The following ODAD2 variants were observed in gnomAD, a reference collection of about 807,000 sequenced individuals.
ODAD2 encodes the protein outer dynein arm-docking complex subunit 2.
A neutral mutation model predicts 106.8 loss-of-function variants in ODAD2; 89 were observed. The ratio of observed to expected loss-of-function variants is 0.83; its 90% CI spans 0.70 to 0.99. The LOEUF is 0.99. Among genes scored for constraint, ODAD2 ranks in the 50% least tolerant of loss-of-function variants. The probability of loss-of-function intolerance (pLI) is 0.00; values close to 1 mark genes in which losing one functional copy is unlikely to be tolerated. For missense variants in ODAD2, 1,168 were observed against 1,238.5 expected (o/e 0.94, Z 0.85); for synonymous variants, 404 against 436.2 (o/e 0.93, Z 0.92).
chr10:27,886,438 A>C (rs1459472306), intron 17 of ODAD2, among the ~76,000 whole-genome samples: 1 of 152,096 alleles, frequency 6.6e-6, no homozygotes, highest in African/African-American at 2.4e-5. Context: ...TCAAGAATGA[A>C]GAAAAAATTA....
At chr10:27,993,676 T>TGAC (rs1372460538) in intron 2 of ODAD2, among the ~76,000 whole-genome samples, 2 of 151,958 alleles carry the variant, frequency 1.3e-5, no homozygotes, top group African/African-American at 4.8e-5. Context: ...TAAATAAATA[T>TGAC]GACTTCAAAC....
At chr10:27,832,713 C>T (rs1837579367) in intron 19 of ODAD2, among the ~76,000 whole-genome samples, 2 of 152,140 alleles carry the variant, frequency 1.3e-5, no homozygotes, top group South Asian at 4.1e-4. Context: ...AACGTTATTG[C>T]TCAACACATA....
intron 9 of ODAD2, among the ~76,000 whole-genome samples, chr10:27,963,625 C>A (rs1432041084): frequency 5.3e-5 from 8 of 152,080 alleles, no homozygotes; most frequent in Non-Finnish European, 1.5e-5. Context: ...TTGCTAAGGC[C>A]TTATATGAAC....
chr10:27,906,880 G>A (rs746652922), intron 17 of ODAD2, among the ~76,000 whole-genome samples: 5 of 152,128 alleles, frequency 3.3e-5, no homozygotes, highest in Admixed American at 6.5e-5. Context: ...CGGGACTAGG[G>A]GAGGAATAGC....
chr10:27,814,976 A>G (rs1167551655), intron 19 of ODAD2, among the ~76,000 whole-genome samples: 1 of 152,124 alleles, frequency 6.6e-6, no homozygotes, highest in East Asian at 1.9e-4. Context: ...TCCCTTTCCA[A>G]TGCCTATTTT....
chr10:27,987,911 G>A (rs1417700559), intron 2 of ODAD2, among the ~76,000 whole-genome samples: 3 of 150,674 alleles, frequency 2.0e-5, no homozygotes, highest in African/African-American at 7.3e-5. Flanking sequence ...TCATGCTTTG[G>A]GGAGTTCTAA....
chr10:27,979,569 C>T (rs1384723479), intron 7 of ODAD2, among the ~76,000 whole-genome samples: 2 of 151,866 alleles, frequency 1.3e-5, no homozygotes, highest in Non-Finnish European at 2.9e-5. Flanking sequence ...TATTTCTATA[C>T]ACTAGCAGTG....
intron 10 of ODAD2, 71 bp downstream of exon 10, chr10:27,961,497 A>G: frequency 7.2e-7 from 1 of 1,380,604 alleles, no homozygotes; most frequent in Non-Finnish European, 1.0e-6. Flanking sequence ...TAAACTTGGA[A>G]GCAGCATATA....
chr10:27,863,075 C>G (rs1041673137), intron 17 of ODAD2, among the ~76,000 whole-genome samples: 13 of 152,208 alleles, frequency 8.5e-5, no homozygotes, highest in African/African-American at 1.4e-4. Context: ...TTGATGGATA[C>G]ATAACCTTGT....
At chr10:27,890,168 A>G (rs1238285538) in intron 17 of ODAD2, among the ~76,000 whole-genome samples, 7 of 152,208 alleles carry the variant, frequency 4.6e-5, no homozygotes, top group African/African-American at 2.4e-5. Context: ...AGTGAGGTCA[A>G]TGGGCAGGGA....
chr10:27,901,419 A>C (rs746578210), intron 17 of ODAD2, among the ~76,000 whole-genome samples: 4 of 152,208 alleles, frequency 2.6e-5, no homozygotes, highest in Non-Finnish European at 2.9e-5. Flanking sequence ...TGGGCAAAAT[A>C]ACCAGCTAGC....
At chr10:27,937,936 A>G (rs1224345999) in intron 14 of ODAD2, among the ~76,000 whole-genome samples, 2 of 151,852 alleles carry the variant, frequency 1.3e-5, no homozygotes, top group East Asian at 3.9e-4. Context: ...AAATTCATAT[A>G]TAGAGGTTTT....
intron 10 of ODAD2, among the ~76,000 whole-genome samples, chr10:27,952,183 A>C (rs1226055157): frequency 6.6e-6 from 1 of 151,902 alleles, no homozygotes; most frequent in Non-Finnish European, 1.5e-5. Flanking sequence ...GAACAACCAC[A>C]CAGAAAAATA....
chr10:27,816,333 G>C (rs1179364766), intron 19 of ODAD2, among the ~76,000 whole-genome samples: 1 of 152,212 alleles, frequency 6.6e-6, no homozygotes, highest in Non-Finnish European at 1.5e-5. Flanking sequence ...AGATTCAAGA[G>C]AAAGGAAGAT....
intron 16 of ODAD2, among the ~76,000 whole-genome samples, chr10:27,912,833 C>T (rs1298229925): frequency 6.6e-6 from 1 of 152,048 alleles, no homozygotes; most frequent in Non-Finnish European, 1.5e-5. Flanking sequence ...AAATGTATGT[C>T]AGAATTAAAA....
intron 9 of ODAD2, among the ~76,000 whole-genome samples, chr10:27,965,117 G>A (rs1848405823): frequency 6.6e-6 from 1 of 152,090 alleles, no homozygotes; most frequent in African/African-American, 2.4e-5. Context: ...GATGATGATG[G>A]GACATAGGAT....
At chr10:27,963,764 T>C (rs976503189) in intron 9 of ODAD2, among the ~76,000 whole-genome samples, 10 of 152,086 alleles carry the variant, frequency 6.6e-5, no homozygotes, top group African/African-American at 2.4e-4. Context: ...TCATATAATA[T>C]ATATTGTATG....
intron 16 of ODAD2, among the ~76,000 whole-genome samples, chr10:27,924,102 T>C (rs972542942): frequency 1.3e-5 from 2 of 150,132 alleles, no homozygotes; most frequent in Admixed American, 6.6e-5. Flanking sequence ...AAAACACTCA[T>C]AATAATTCAT....
Position 27,961,604 on chromosome 10 carries a change from T to C in ODAD2, c.1350A>G (p.Glu450=), listed in dbSNP as rs1848145268. The change falls in exon 10 of 20, where the codon GAA becomes GAG. Residue 450 remains glutamate (E), a synonymous_variant. Coordinates refer to ENST00000305242, the MANE Select transcript of ODAD2 (RefSeq NM_018076.5). ...RQEASADLPS[E]YWQIQKLVKY... is the part of the protein sequence containing the mutation. ...TCACCAGCTTCTGAATTTGCCAATA[T>C]TCTGATGGCAAATCTGCACTTGCTT... 1 of 1,612,102 alleles carries C rather than the reference T, an allele frequency of 6.2e-7. No individual in the cohort carries two copies. Among genetic ancestry groups the C allele is most frequent in the African/African-American group, 1.3e-5 (1 of 75,008 alleles).
Sources: allele counts gnomAD v4.1 joint callset (sites outside exome capture counted in the v4.1 genomes callset), GRCh38; gene constraint gnomAD v4.1.1; transcripts MANE v1.5; gene names NCBI Gene and HGNC (gene_info 2026-07-23, HGNC 2026-07-21).